The following SLIT1 variants were observed in gnomAD, a reference collection of about 807,000 sequenced individuals.
SLIT1 encodes slit homolog 1 protein.
In SLIT1, 66 loss-of-function variants were observed where a neutral mutation model predicts 186.1. That is an observed-to-expected ratio of 0.35 (90% CI 0.29 to 0.44). The LOEUF is 0.44. Among genes scored for constraint, SLIT1 ranks in the 20% least tolerant of loss-of-function variants. The probability of loss-of-function intolerance (pLI) is 1.00; values close to 1 mark genes in which losing one functional copy is unlikely to be tolerated. For synonymous variants in SLIT1, 761 were observed against 833.8 expected (o/e 0.91, Z 1.50); for missense variants, 1,638 against 2,037.4 (o/e 0.80, Z 3.77).
chr10:97,141,672 GTAT>G (rs1849760275), intron 4 of SLIT1, among the ~76,000 whole-genome samples: 1 of 95,498 alleles, frequency 1.0e-5, no homozygotes. Flanking sequence ...GCATTGCATT[GTAT>G]CGTATTGTAT....
At chr10:97,073,845 C>T (rs553289100) in intron 4 of SLIT1, among the ~76,000 whole-genome samples, 1 of 152,292 alleles carries the variant, frequency 6.6e-6, no homozygotes, top group Non-Finnish European at 1.5e-5. Flanking sequence ...GTTGCAGGAT[C>T]TGATGGGAGA....
chr10:97,157,966 G>T, intron 3 of SLIT1, 77 bp from the exon 4 acceptor site: 2 of 1,075,370 alleles, frequency 1.9e-6, no homozygotes, highest in South Asian at 1.3e-5. Context: ...GCACAAGATG[G>T]ATTCAGAGGC....
intron 25 of SLIT1, among the ~76,000 whole-genome samples, chr10:97,027,668 TCTC>T (rs1848557748): frequency 6.6e-6 from 1 of 152,238 alleles, no homozygotes; most frequent in African/African-American, 2.4e-5. Context: ...ATATCACTGT[TCTC>T]CTAAAGAAAG....
intron 4 of SLIT1, among the ~76,000 whole-genome samples, chr10:97,074,097 C>G (rs1849024698): frequency 6.6e-6 from 1 of 152,130 alleles, no homozygotes; most frequent in Non-Finnish European, 1.5e-5. Context: ...TCGGCACAAC[C>G]CAGGCTTGTA....
intron 25 of SLIT1, among the ~76,000 whole-genome samples, chr10:97,029,110 T>G (rs1245338061): frequency 6.6e-6 from 1 of 152,180 alleles, no homozygotes; most frequent in Non-Finnish European, 1.5e-5. Context: ...CAAGACCTTG[T>G]AGATGAGGCA....
At chr10:97,134,294 A>G (rs751102254) in intron 4 of SLIT1, among the ~76,000 whole-genome samples, 104 of 151,972 alleles carry the variant, frequency 6.8e-4, no homozygotes, top group Non-Finnish European at 1.3e-3. Flanking sequence ...GGTCTTGGGG[A>G]CGCCATCTCA....
rs1848871883 is a variant in SLIT1, at chr10:97,059,501, A to C, written c.1044T>G (p.Ile348Met). 1.9e-6 allele frequency: 3 copies of C among 1,613,918 alleles called. No homozygotes were observed. Among genetic ancestry groups the C allele is most frequent in the Non-Finnish European group, 2.5e-6 (3 of 1,180,002 alleles). ...IDLSNNQIAE[I>M]APDAFQGLRS... ...GGAGGCCCTGGAAGGCGTCGGGTGC[A>C]ATCTCAGCGATCTGATTGTTGCTCA... The change falls in exon 11 of 37, where the codon ATT becomes ATG. Residue 348 changes from isoleucine (I) to methionine (M), a missense_variant. Coordinates refer to ENST00000266058, the MANE Select transcript of SLIT1 (RefSeq NM_003061.3).
At position 97,047,974 on chromosome 10, in the gene SLIT1, T is replaced by C. The variant is rs1192561267; in HGVS notation, c.1488A>G (p.Pro496=). 9 of 1,614,086 alleles carry C rather than the reference T, an allele frequency of 5.6e-6. No homozygotes were observed. Among genetic ancestry groups the C allele is most frequent in the Non-Finnish European group, 7.6e-6 (9 of 1,179,980 alleles). ...CCTTGGATCCCCCCACTCTCCTACC[T>C]GGAATGAAGTACTGCTCTTTGGCTG... ...RCSAKEQYFI[P]GTEDYQLNSE... is the part of the protein sequence containing the mutation. The change falls in exon 15 of 37, where the codon CCA becomes CCG. Residue 496 remains proline (P), a splice_region_variant and synonymous_variant. Transcript: ENST00000266058.
chr10:97,149,877 G>A (rs1276719359), intron 4 of SLIT1, among the ~76,000 whole-genome samples: 1 of 152,138 alleles, frequency 6.6e-6, no homozygotes, highest in Non-Finnish European at 1.5e-5. Context: ...TTTGGGAGAC[G>A]CAACATTCCA....
intron 4 of SLIT1, among the ~76,000 whole-genome samples, chr10:97,141,130 C>A (rs1471822856): frequency 1.3e-5 from 2 of 152,202 alleles, no homozygotes; most frequent in Non-Finnish European, 2.9e-5. Flanking sequence ...CCGACGACAG[C>A]TCCAGCACGC....
At chr10:97,160,859 T>G (rs1309010577) in intron 3 of SLIT1, among the ~76,000 whole-genome samples, 1 of 152,122 alleles carries the variant, frequency 6.6e-6, no homozygotes, top group Non-Finnish European at 1.5e-5. Context: ...TAGCTGGGAT[T>G]ACAGGCACGT....
chr10:97,159,750 C>T (rs1053024700), intron 3 of SLIT1, among the ~76,000 whole-genome samples: 6 of 152,124 alleles, frequency 3.9e-5, no homozygotes, highest in Admixed American at 2.6e-4. Flanking sequence ...TCATCGCGGG[C>T]GGGAAAGCGG....
At chr10:97,154,692 A>G (rs565651765) in intron 4 of SLIT1, 3 of 152,222 alleles carry the variant, frequency 2.0e-5, no homozygotes, top group Non-Finnish European at 4.4e-5. Flanking sequence ...GACCACTGCA[A>G]TGAGGACACC....
chr10:97,037,862 C>T, intron 21 of SLIT1, 96 bp from the exon 22 acceptor site: 2 of 932,542 alleles, frequency 2.1e-6, no homozygotes, highest in Non-Finnish European at 3.3e-6. Context: ...ACTTCGCTCT[C>T]ATTTCCTCTC....
rs931958936 is a variant in SLIT1, at chr10:97,152,521, G to A, written c.413+5297C>T. ...GAGAGTGTCACAGCTCTCTTTAATCGTCACATCAGCCCCATGAGGCAGCCA... is the reference window on the plus strand; with the variant it reads ...GAGAGTGTCACAGCTCTCTTTAATCATCACATCAGCCCCATGAGGCAGCCA... On this transcript the variant is annotated intron_variant, in intron 4 of 36. Transcript: ENST00000266058. Among the ~76,000 whole-genome samples the A allele has an allele frequency of 2.6e-5, 4 of 152,148 alleles. No individual in the cohort carries two copies. The East Asian group carries it at 7.7e-4, about 29-fold the overall frequency.
chr10:97,048,975 C>G lies in SLIT1; in HGVS notation c.1445G>C (p.Ser482Thr). The G allele has an allele frequency of 6.2e-7, 1 of 1,608,730 alleles. No individual in the cohort carries two copies. Among genetic ancestry groups the G allele is most frequent in the Non-Finnish European group, 8.5e-7 (1 of 1,179,312 alleles). ...GGTACCTGAGCACCGGAACTTCTTG[C>G]TCTTGATCTGCCCGATGCGCTTGTT... ...LANKRIGQIK[S>T]KKFRCSAKEQ... Residue 482 changes from serine to threonine, a missense_variant, in exon 14 of 37, where the codon AGC becomes ACC. By Grantham distance (58) the Ser-to-Thr change is moderately conservative (BLOSUM62 1). Transcript: ENST00000266058.
chr10:97,029,000 G>A (rs965050916), intron 25 of SLIT1, among the ~76,000 whole-genome samples: 1 of 152,172 alleles, frequency 6.6e-6, no homozygotes, highest in African/African-American at 2.4e-5. Context: ...TCCAGGTCCA[G>A]CCCTGGAATC....
At chr10:97,040,852 G>C (rs139327689) in intron 20 of SLIT1, among the ~76,000 whole-genome samples, 21 of 152,098 alleles carry the variant, frequency 1.4e-4, no homozygotes, top group African/African-American at 4.8e-4. Flanking sequence ...CACCACGGTC[G>C]GAGTTCTTGA....
At chr10:97,081,507 G>A (rs1428273337) in intron 4 of SLIT1, among the ~76,000 whole-genome samples, 1 of 152,146 alleles carries the variant, frequency 6.6e-6, no homozygotes, top group Non-Finnish European at 1.5e-5. Flanking sequence ...CCACACCTCA[G>A]TCTTCTACGG....
Sources: allele counts gnomAD v4.1 joint callset (sites outside exome capture counted in the v4.1 genomes callset), GRCh38; gene constraint gnomAD v4.1.1; transcripts MANE v1.5; gene names NCBI Gene and HGNC (gene_info 2026-07-23, HGNC 2026-07-21).